PPP4R4: variants seen among roughly 807,000 people sequenced by gnomAD.
PPP4R4 encodes protein phosphatase 4 regulatory subunit 4.
A neutral mutation model predicts 121.8 loss-of-function variants in PPP4R4; 70 were observed. The observed-to-expected ratio is 0.57, with a 90% confidence interval of 0.47 to 0.70. The LOEUF is 0.70. PPP4R4 is among the 30% of genes least tolerant of loss of function. The pLI, the probability that PPP4R4 is intolerant of heterozygous loss-of-function variation, is 0.00. For missense variants in PPP4R4, 875 were observed against 1,033.6 expected (o/e 0.85, Z 2.10); for synonymous variants, 348 against 355.7 (o/e 0.98, Z 0.24).
In PPP4R4 at chr14:94,256,663, G is replaced by A. The variant is rs994049938; in HGVS notation, c.2010+59G>A. ...TTGCATTAAGGCAGTAAGAATCTTAGCTTCACTATTTCAGCTTGACAGGAT... is the reference window on the plus strand; with the variant it reads ...TTGCATTAAGGCAGTAAGAATCTTAACTTCACTATTTCAGCTTGACAGGAT... On this transcript the variant is annotated intron_variant, in intron 17 of 24. Coordinates refer to ENST00000304338, the MANE Select transcript of PPP4R4 (RefSeq NM_058237.2). 1.6e-5 allele frequency: 23 copies of A among 1,429,382 alleles called. No individual in the cohort carries two copies. The East Asian group carries it at 2.4e-4, about 15-fold the overall frequency. The allele number at this position is 1,429,382 out of a possible 1,614,324, so 88.5% of individuals were successfully genotyped here.
chr14:94,258,180 A>G (rs1189071553), intron 17 of PPP4R4, among the ~76,000 whole-genome samples: 1 of 152,174 alleles, frequency 6.6e-6, no homozygotes, highest in Non-Finnish European at 1.5e-5. Context: ...ATCCAAATGT[A>G]CTTTATTTTG....
chr14:94,227,715 G>C (rs1017066586), intron 3 of PPP4R4: 1 of 1,009,984 alleles, frequency 9.9e-7, no homozygotes, highest in Non-Finnish European at 1.2e-6. Flanking sequence ...CTTTAAGAGG[G>C]GGCAGAATTG....
Position 94,174,415 on chromosome 14 carries a change from C to T in PPP4R4, c.-51C>T, listed in dbSNP as rs772439152. On this transcript the variant is annotated 5_prime_UTR_variant, in exon 1 of 25. Coordinates refer to ENST00000304338, the MANE Select transcript of PPP4R4 (RefSeq NM_058237.2). Reference sequence around the variant, plus strand: ...TGGGCGGCCGCGGGGCTGAGGGCGTCCGGCATCCCGGGGCCGCTCCGGCCC... The same window carrying T: ...TGGGCGGCCGCGGGGCTGAGGGCGTTCGGCATCCCGGGGCCGCTCCGGCCC... The T allele has an allele frequency of 1.4e-6, 2 of 1,429,494 alleles. No individual in the cohort carries two copies. Among genetic ancestry groups the T allele is most frequent in the East Asian group, 2.9e-5 (1 of 33,906 alleles). The allele number at this position is 1,429,494 out of a possible 1,614,324, so 88.6% of individuals were successfully genotyped here.
At chr14:94,272,622 G>A (rs998609778) in intron 23 of PPP4R4, among the ~76,000 whole-genome samples, 1 of 152,048 alleles carries the variant, frequency 6.6e-6, no homozygotes, top group East Asian at 1.9e-4. Context: ...CCATGTCAAA[G>A]GCGCAATCTA....
intron 3 of PPP4R4, among the ~76,000 whole-genome samples, chr14:94,219,080 CTTTTTTTT>C (rs71301922): frequency 9.3e-6 from 1 of 106,954 alleles, no homozygotes; most frequent in South Asian, 3.3e-4. Context: ...CTTTTCTTTT[CTTTTTTTT>C]TTTTTTTTGA....
chr14:94,241,716 G>C (rs1892645300), intron 9 of PPP4R4, 72 bp from the exon 10 acceptor site: 2 of 1,166,676 alleles, frequency 1.7e-6, no homozygotes, highest in African/African-American at 3.1e-5. Context: ...TATTTTTATT[G>C]TACTTTGATT....
At chr14:94,200,299 A>G (rs1890105018) in intron 2 of PPP4R4, among the ~76,000 whole-genome samples, 1 of 152,186 alleles carries the variant, frequency 6.6e-6, no homozygotes, top group South Asian at 2.1e-4. Context: ...AATAAAGATA[A>G]TTAAACTTCT....
rs1417178193 is a variant in PPP4R4 at position 94,230,478 on chromosome 14, C to T, written c.295-109C>T. ...GTACATATCCTTAAAGGTCATATGT[C>T]TTAATTTTGTGGAATATGACTATTT... is the stretch of plus-strand genomic sequence containing the variant. On this transcript the variant is annotated intron_variant, in intron 3 of 24. Coordinates refer to ENST00000304338, the MANE Select transcript of PPP4R4 (RefSeq NM_058237.2). The T allele has an allele frequency of 2.9e-6, 3 of 1,027,368 alleles. No individual in the cohort carries two copies. The African/African-American group carries it at 4.9e-5, about 17-fold the overall frequency. The allele number at this position is 1,027,368 out of a possible 1,614,324, so 63.6% of individuals were successfully genotyped here.
At chr14:94,244,546 A>G (rs1458143323) in intron 11 of PPP4R4, 89 bp from the exon 12 acceptor site, 2 of 1,048,096 alleles carry the variant, frequency 1.9e-6, no homozygotes, top group Non-Finnish European at 2.6e-6. Context: ...GAAGAAATAT[A>G]TAACAAGGAT....
At chr14:94,227,482 A>C in intron 3 of PPP4R4, 1 of 1,440,920 alleles carries the variant, frequency 6.9e-7, no homozygotes, top group Non-Finnish European at 9.1e-7. Context: ...TGGTTTCTTA[A>C]CAGTGGACAG....
chr14:94,249,257 T>A (rs970842921), intron 14 of PPP4R4, among the ~76,000 whole-genome samples: 6 of 152,062 alleles, frequency 3.9e-5, no homozygotes, highest in Admixed American at 2.6e-4. Flanking sequence ...GTATATTTTT[T>A]AAATTTTCTT....
chr14:94,190,625 A>T (rs1363516360), intron 2 of PPP4R4, among the ~76,000 whole-genome samples: 1 of 152,144 alleles, frequency 6.6e-6, no homozygotes, highest in Non-Finnish European at 1.5e-5. Flanking sequence ...ATAAATAAAT[A>T]AAATAGAAAG....
chr14:94,230,700 A>G lies in PPP4R4; in HGVS notation c.408A>G (p.Gln136=), dbSNP rs776545563. The G allele has an allele frequency of 1.4e-5, 22 of 1,613,664 alleles. No individual in the cohort carries two copies. The highest frequency in any genetic ancestry group is 1.8e-5 in the Non-Finnish European group (21 of 1,179,586). Residue 136 remains glutamine (Q), a synonymous_variant, in exon 4 of 25, where the codon CAA becomes CAG. Transcript: ENST00000304338. ...ATGCATATACCCACTCATTCCTCCA[A>G]GTCATTCTCCTGCATCTGGAGCACA... ...SIHAYTHSFL[Q]VILLHLEHRD...
chr14:94,175,752 G>C, intron 1 of PPP4R4: 1 of 412,952 alleles, frequency 2.4e-6, no homozygotes. Flanking sequence ...TATAACATGC[G>C]TATGAAATGG....
chr14:94,178,988 C>T (rs999769967), intron 2 of PPP4R4, among the ~76,000 whole-genome samples: 1 of 152,142 alleles, frequency 6.6e-6, no homozygotes, highest in Non-Finnish European at 1.5e-5. Context: ...GGCTGGCATT[C>T]AGAATACTCC....
intron 17 of PPP4R4, 40 bp from the exon 18 acceptor site, chr14:94,258,743 T>C: frequency 7.1e-7 from 1 of 1,412,992 alleles, no homozygotes; most frequent in Non-Finnish European, 9.9e-7. Flanking sequence ...GTTGTTTTAA[T>C]TTAATTACTT....
chr14:94,264,983 C>A, intron 20 of PPP4R4, 36 bp downstream of exon 20: 1 of 1,379,506 alleles, frequency 7.2e-7, no homozygotes, highest in Non-Finnish European at 1.0e-6. Flanking sequence ...CACTTAATTA[C>A]ATAATTAATG....
At position 94,196,469 on chromosome 14, in the gene PPP4R4, A is replaced by C. The variant is rs1439596954; in HGVS notation, c.192-11995A>C. Among the ~76,000 whole-genome samples the C allele has an allele frequency of 5.3e-5, 8 of 151,768 alleles. No homozygotes were observed. The East Asian group carries it at 1.5e-3, about 29-fold the overall frequency. On this transcript the variant is annotated intron_variant, in intron 2 of 24. Transcript: ENST00000304338. ...GCTGGGATTACAGATGTTTGCCACC[A>C]CACCCAGCTAATTTTTGTATTTTTA...
intron 3 of PPP4R4, among the ~76,000 whole-genome samples, chr14:94,228,868 T>C (rs531982790): frequency 2.0e-5 from 3 of 152,186 alleles, no homozygotes; most frequent in African/African-American, 7.2e-5. Context: ...ATGAATAAAC[T>C]GGTAAAGGGG....
Sources: gnomAD v4.1 joint callset for allele counts (sites outside exome capture counted in the v4.1 genomes callset) on GRCh38, gnomAD v4.1.1 for gene constraint, MANE v1.5 for transcripts, NCBI Gene and HGNC (gene_info 2026-07-23, HGNC 2026-07-21) for gene names.